SEC23B: variants seen among roughly 807,000 people sequenced by gnomAD.
SEC23B encodes the protein protein transport protein Sec23B.
A neutral mutation model predicts 104.3 loss-of-function variants in SEC23B; 77 were observed. The ratio of observed to expected loss-of-function variants is 0.74; its 90% CI spans 0.61 to 0.89. The LOEUF (loss-of-function observed/expected upper bound fraction) is 0.89, where lower values mean the gene tolerates loss of function less well. Ranked by LOEUF, SEC23B falls within the 40% of genes least tolerant of loss-of-function variation. SEC23B has a pLI of 0.00. For missense variants in SEC23B, 885 were observed against 949.4 expected (o/e 0.93, Z 0.89); for synonymous variants, 338 against 332.5 (o/e 1.02, Z -0.18).
At position 18,550,401 on chromosome 20, in the gene SEC23B, C is replaced by G. The variant is rs186849097; in HGVS notation, c.1906-688C>G. The stretch of plus-strand genomic sequence containing the variant: ...TGAACTCCTGGGTTCAAGTGATCTG[C>G]CTGCCTTGGCCTCCCAAAGTTCTAG... On this transcript the variant is annotated intron_variant, in intron 16 of 19. Coordinates refer to ENST00000650089, the MANE Select transcript of SEC23B (RefSeq NM_006363.6). Among the ~76,000 whole-genome samples the G allele has an allele frequency of 9.1e-4, 139 of 152,208 alleles. 1 individual carries two copies. The highest frequency in any genetic ancestry group is 3.0e-3 in the African/African-American group (123 of 41,514).
At chr20:18,539,923 C>T (rs2328309) in intron 12 of SEC23B, among the ~76,000 whole-genome samples, 15,084 of 152,162 alleles carry the variant, frequency 0.099, 1,005 homozygotes, top group Admixed American at 0.17. Flanking sequence ...GGATTACAGG[C>T]GTAAGCCACT....
intron 5 of SEC23B, 39 bp downstream of exon 5, chr20:18,524,708 T>G: frequency 1.3e-6 from 2 of 1,545,318 alleles, no homozygotes; most frequent in Non-Finnish European, 1.8e-6. Context: ...AACAAGGACT[T>G]TTTTTTAAAA....
chr20:18,559,824 A>G (rs536701451), intron 19 of SEC23B, among the ~76,000 whole-genome samples: 51 of 152,102 alleles, frequency 3.4e-4, no homozygotes, highest in Admixed American at 6.5e-4. Context: ...TCTTCTCTCC[A>G]CCTTTAAAAG....
At chr20:18,535,569 T>C in intron 11 of SEC23B, 84 bp from the exon 12 acceptor site, 1 of 998,650 alleles carries the variant, frequency 1.0e-6, no homozygotes, top group Non-Finnish European at 1.6e-6. Context: ...TAGCCTGCCC[T>C]ACTCAGTCAG....
At chr20:18,515,435 T>A (rs2060015941) in intron 3 of SEC23B, among the ~76,000 whole-genome samples, 1 of 152,156 alleles carries the variant, frequency 6.6e-6, no homozygotes, top group Non-Finnish European at 1.5e-5. Flanking sequence ...CTCAGCCTTC[T>A]GAGTAGCTGG....
chr20:18,557,960 A>G (rs940751626), intron 19 of SEC23B, among the ~76,000 whole-genome samples: 4 of 151,942 alleles, frequency 2.6e-5, no homozygotes, highest in Non-Finnish European at 5.9e-5. Context: ...CATGTTGGTC[A>G]GGCTGGTCTC....
chr20:18,552,337 G>T (rs918719851), intron 17 of SEC23B, among the ~76,000 whole-genome samples: 1 of 152,146 alleles, frequency 6.6e-6, no homozygotes, highest in South Asian at 2.1e-4. Flanking sequence ...CCACTTGCAC[G>T]CAAGTGCTAG....
Position 18,525,934 on chromosome 20 carries a change from T to C in SEC23B, c.834+2T>C. ...TCCATTGCTGTTGGCTTGCTGGAGG[T>C]AATTTAAAATTTACCAGGACCTCTC... On this transcript the variant is annotated splice_donor_variant, in intron 7 of 19. Transcript: ENST00000650089. LOFTEE classifies it high-confidence loss of function. 1 of 1,614,070 alleles carries C rather than the reference T, an allele frequency of 6.2e-7. No homozygotes were observed. Among genetic ancestry groups the C allele is most frequent in the Non-Finnish European group, 8.5e-7 (1 of 1,179,936 alleles).
intron 15 of SEC23B, among the ~76,000 whole-genome samples, chr20:18,547,977 G>A (rs1055388951): frequency 2.6e-5 from 4 of 151,994 alleles, no homozygotes; most frequent in Non-Finnish European, 4.4e-5. Flanking sequence ...TTGAGACGGA[G>A]TTTTGCTCTT....
intron 4 of SEC23B, among the ~76,000 whole-genome samples, chr20:18,521,540 T>C (rs183959947): frequency 6.6e-6 from 1 of 152,180 alleles, no homozygotes; most frequent in East Asian, 1.9e-4. Flanking sequence ...GCCACCTCTT[T>C]AAGAGGAAAT....
At position 18,526,415 on chromosome 20, in the gene SEC23B, G is replaced by T; in HGVS notation, c.877G>T (p.Gly293Ter). ...NTGARIMLFT[G>*]GPPTQGPGMV... ...AGGAGCCAGGATCATGCTGTTTACT[G>T]GAGGTCCCCCTACCCAAGGGCCTGG... The change falls in exon 8 of 20, where the codon GGA becomes TGA. Residue 293 changes from glycine to a stop codon, truncating the protein, a stop_gained. Transcript: ENST00000650089. LOFTEE classifies it high-confidence loss of function. 6.2e-7 allele frequency: 1 copy of T among 1,614,196 alleles called. No individual in the cohort carries two copies. The highest frequency in any genetic ancestry group is 8.5e-7 in the Non-Finnish European group (1 of 1,180,044).
intron 14 of SEC23B, among the ~76,000 whole-genome samples, chr20:18,543,588 GA>G (rs1351204542): frequency 2.0e-5 from 3 of 152,164 alleles, no homozygotes; most frequent in Non-Finnish European, 4.4e-5. Flanking sequence ...TTTAAATGGG[GA>G]AAGTCTTTTA....
At position 18,526,539 on chromosome 20, in the gene SEC23B, C is replaced by T; in HGVS notation, c.993+8C>T. 6.2e-7 allele frequency: 1 copy of T among 1,613,944 alleles called. No individual in the cohort carries two copies. The highest frequency in any genetic ancestry group is 8.5e-7 in the Non-Finnish European group (1 of 1,179,898). On this transcript the variant is annotated splice_region_variant and intron_variant, in intron 8 of 19. Coordinates refer to ENST00000650089, the MANE Select transcript of SEC23B (RefSeq NM_006363.6). ...ATGAAAAAGGCAACCAAGGTAGGTGCTCTTGGGTATGGGCTGTAATTCTGA... is the reference window on the plus strand; with the variant it reads ...ATGAAAAAGGCAACCAAGGTAGGTGTTCTTGGGTATGGGCTGTAATTCTGA...
chr20:18,540,182 T>G (rs1028244609), intron 12 of SEC23B, among the ~76,000 whole-genome samples: 7 of 152,220 alleles, frequency 4.6e-5, no homozygotes, highest in Admixed American at 4.6e-4. Context: ...CAGGAATCAC[T>G]AGGTATGGCA....
intron 12 of SEC23B, among the ~76,000 whole-genome samples, chr20:18,538,913 TA>T (rs1031236123): frequency 1.3e-5 from 2 of 151,366 alleles, no homozygotes; most frequent in Non-Finnish European, 3.0e-5. Flanking sequence ...TCTTTTTAAT[TA>T]AAAAAAATAG....
Position 18,525,922 on chromosome 20 carries a change from G to A in SEC23B, c.824G>A (p.Gly275Asp). The change falls in exon 7 of 20, where the codon GGC becomes GAC. Residue 275 changes from glycine to aspartate, a missense_variant. Coordinates refer to ENST00000650089, the MANE Select transcript of SEC23B (RefSeq NM_006363.6). Reference protein sequence around the residue: ...STGVALSIAVGLLEGTFPNTG... With the variant: ...STGVALSIAVDLLEGTFPNTG... ...GGTGTGGCTTTGTCCATTGCTGTTG[G>A]CTTGCTGGAGGTAATTTAAAATTTA... 6.2e-7 allele frequency: 1 copy of A among 1,614,196 alleles called. No homozygotes were observed. The highest frequency in any genetic ancestry group is 2.2e-5 in the East Asian group (1 of 44,890).
chr20:18,511,411 C>G (rs552375551), intron 2 of SEC23B, among the ~76,000 whole-genome samples: 1 of 152,054 alleles, frequency 6.6e-6, no homozygotes, highest in Non-Finnish European at 1.5e-5. Context: ...AAGCTTAGAC[C>G]GTCTTCTCAT....
At position 18,524,589 on chromosome 20, in the gene SEC23B, G is replaced by T; in HGVS notation, c.523G>T (p.Val175Phe). 1 of 1,614,220 alleles carries T rather than the reference G, an allele frequency of 6.2e-7. No homozygotes were observed. Among genetic ancestry groups the T allele is most frequent in the Non-Finnish European group, 8.5e-7 (1 of 1,180,042 alleles). The part of the protein sequence containing the change: ...GLITFGRMVQ[V>F]HELSCEGISK... ...GATCACATTTGGAAGGATGGTGCAG[G>T]TTCATGAGCTAAGCTGTGAAGGAAT... The change falls in exon 5 of 20, where the codon GTT becomes TTT. Residue 175 changes from valine to phenylalanine, a missense_variant. By Grantham distance (50) the Val-to-Phe change is conservative. Coordinates refer to ENST00000650089, the MANE Select transcript of SEC23B (RefSeq NM_006363.6).
At chr20:18,554,418 G>C in intron 18 of SEC23B, 28 bp downstream of exon 18, 1 of 1,613,628 alleles carries the variant, frequency 6.2e-7, no homozygotes, top group Non-Finnish European at 8.5e-7. Flanking sequence ...TAACTCCAGT[G>C]GTTTGTTCGT....
Sources: gnomAD v4.1 joint callset for allele counts (sites outside exome capture counted in the v4.1 genomes callset) on GRCh38, gnomAD v4.1.1 for gene constraint, MANE v1.5 for transcripts, NCBI Gene and HGNC (gene_info 2026-07-23, HGNC 2026-07-21) for gene names.